Variants in SUZ12 observed in about 807,000 individuals in gnomAD.
SUZ12 encodes the protein SUZ12 polycomb repressive complex 2 subunit.
A neutral mutation model predicts 87.3 loss-of-function variants in SUZ12; 17 were observed. That is an observed-to-expected ratio of 0.19 (90% CI 0.13 to 0.29). The LOEUF (loss-of-function observed/expected upper bound fraction) is 0.29. Ranked by LOEUF, SUZ12 falls within the 10% of genes least tolerant of loss-of-function variation. SUZ12 has a pLI of 1.00. For synonymous variants in SUZ12, 253 were observed against 312.4 expected, an observed-to-expected ratio of 0.81 and a Z score of 2.01; for missense variants, 526 against 912.2, an observed-to-expected ratio of 0.58 and a Z score of 5.45.
chr17:31,980,429 C>CTTTTTTTTTTTT lies in SUZ12; in HGVS notation c.918-2544_918-2533dup, dbSNP rs58491591. ...TAAGATATACCAGAATCACCTTCTC[C>CTTTTTTTTTTTT]TTTTTTTTTTTTTTTTTTTTTTTTT... On this transcript the variant is annotated intron_variant, in intron 8 of 15. Coordinates refer to ENST00000322652, the MANE Select transcript of SUZ12 (RefSeq NM_015355.4). Among the ~76,000 whole-genome samples the CTTTTTTTTTTTT allele has an allele frequency of 4.8e-4, 26 of 53,834 alleles. 4 individuals are homozygous for CTTTTTTTTTTTT. The highest frequency in any genetic ancestry group is 1.4e-3 in the East Asian group (1 of 732). 35.3% of individuals were successfully genotyped at this position (53,834 alleles called of 152,430 possible). A position where few individuals can be genotyped will look rare whatever the true frequency, so the allele number is the denominator to read the frequency against.
intron 8 of SUZ12, among the ~76,000 whole-genome samples, chr17:31,982,289 C>T (rs1014348864): frequency 2.6e-5 from 4 of 152,230 alleles, no homozygotes; most frequent in African/African-American, 9.6e-5. Context: ...CAAACAATTA[C>T]AGTAGTTAAA....
At chr17:31,944,962 G>A (rs987907947) in intron 3 of SUZ12, among the ~76,000 whole-genome samples, 16 of 150,922 alleles carry the variant, frequency 1.1e-4, no homozygotes, top group African/African-American at 3.4e-4. Flanking sequence ...CAAATACTCA[G>A]GAGGCTGAGG....
intron 4 of SUZ12, among the ~76,000 whole-genome samples, chr17:31,952,846 T>C (rs1034294662): frequency 1.5e-4 from 23 of 152,038 alleles, no homozygotes; most frequent in Non-Finnish European, 2.6e-4. Flanking sequence ...TACAGGCGTG[T>C]GGCACCGTGC....
intron 4 of SUZ12, among the ~76,000 whole-genome samples, chr17:31,963,533 T>G (rs1357956365): frequency 6.6e-6 from 1 of 152,068 alleles, no homozygotes; most frequent in Non-Finnish European, 1.5e-5. Flanking sequence ...AGTCTCACTC[T>G]GTCGCCCATG....
intron 1 of SUZ12, among the ~76,000 whole-genome samples, chr17:31,939,313 C>CG (rs1906127360): frequency 6.6e-6 from 1 of 151,896 alleles, no homozygotes; most frequent in African/African-American, 2.4e-5. Flanking sequence ...ACCTGTAATC[C>CG]TAGCTACTCT....
intron 5 of SUZ12, 164 bp downstream of exon 5, chr17:31,966,360 T>C: frequency 3.0e-6 from 2 of 677,596 alleles, no homozygotes; most frequent in Non-Finnish European, 5.0e-6. Context: ...AATGATGAAA[T>C]TTGTTTTTGG....
At chr17:31,977,629 G>T (rs541719729) in intron 8 of SUZ12, among the ~76,000 whole-genome samples, 2 of 151,978 alleles carry the variant, frequency 1.3e-5, no homozygotes, top group African/African-American at 4.8e-5. Flanking sequence ...AGTGGCTCAC[G>T]CCTGTAATCC....
chr17:31,945,061 C>CAA (rs34314619), intron 3 of SUZ12, among the ~76,000 whole-genome samples: 37 of 79,242 alleles, frequency 4.7e-4, no homozygotes, highest in Non-Finnish European at 3.8e-4. Flanking sequence ...GATGGTGTCT[C>CAA]AAAAAAAAAA....
chr17:31,940,145 T>C (rs2142116971), intron 1 of SUZ12, 141 bp from the exon 2 acceptor site: 1 of 1,282,444 alleles, frequency 7.8e-7, no homozygotes, highest in South Asian at 1.6e-5. Context: ...ACTTTCTTGA[T>C]GTAAATATTT....
chr17:31,990,121 A>ATTTTTTTTTTTTTTT (rs59793925), intron 10 of SUZ12, among the ~76,000 whole-genome samples: 6 of 99,840 alleles, frequency 6.0e-5, no homozygotes, highest in African/African-American at 2.8e-4. Context: ...TGCCCGGCTA[A>ATTTTTTTTTTTTTTT]TTTTTTTTTT....
intron 1 of SUZ12, among the ~76,000 whole-genome samples, chr17:31,938,252 A>T (rs550748305): frequency 7.2e-5 from 11 of 152,368 alleles, no homozygotes; most frequent in Non-Finnish European, 1.5e-5. Flanking sequence ...AGAATTTATT[A>T]AAAACATCGT....
chr17:31,971,151 T>G (rs1477529485), intron 5 of SUZ12, among the ~76,000 whole-genome samples: 1 of 152,156 alleles, frequency 6.6e-6, no homozygotes, highest in Non-Finnish European at 1.5e-5. Context: ...GTAGAGAAAT[T>G]CTGGGGAAAG....
At chr17:31,973,777 C>T (rs1908576483) in intron 6 of SUZ12, among the ~76,000 whole-genome samples, 2 of 152,122 alleles carry the variant, frequency 1.3e-5, no homozygotes, top group South Asian at 4.1e-4. Flanking sequence ...TTAGTTGCCT[C>T]AAGTCCTCGA....
At chr17:31,985,800 T>C (rs4525554) in intron 9 of SUZ12, among the ~76,000 whole-genome samples, 16,231 of 151,970 alleles carry the variant, frequency 0.11, 1,062 homozygotes, top group Middle Eastern at 0.16. Context: ...GTAGCTGCGA[T>C]CACAGGTGTG....
chr17:31,970,782 A>G (rs1208303073), intron 5 of SUZ12, among the ~76,000 whole-genome samples: 1 of 151,828 alleles, frequency 6.6e-6, no homozygotes, highest in East Asian at 1.9e-4. Context: ...AGCCTGGGCA[A>G]CAGAGCAAGA....
intron 14 of SUZ12, 37 bp downstream of exon 14, chr17:31,995,799 ATAT>A (rs1249147346): frequency 6.7e-7 from 1 of 1,486,768 alleles, no homozygotes; most frequent in Non-Finnish European, 9.2e-7. Context: ...TTATCTTGGA[ATAT>A]TATTTTGTTT....
chr17:31,943,173 T>C (rs377766937), intron 3 of SUZ12, among the ~76,000 whole-genome samples: 77 of 152,348 alleles, frequency 5.1e-4, no homozygotes, highest in African/African-American at 1.7e-3. Context: ...AAGGAGGTGA[T>C]GAATTAGGTT....
intron 8 of SUZ12, among the ~76,000 whole-genome samples, chr17:31,979,699 C>T (rs935075838): frequency 4.6e-5 from 7 of 152,168 alleles, no homozygotes; most frequent in Admixed American, 6.5e-5. Flanking sequence ...TTTGATCACT[C>T]AGTTAAGATG....
At chr17:31,969,592 T>C (rs1213753232) in intron 5 of SUZ12, among the ~76,000 whole-genome samples, 2 of 152,188 alleles carry the variant, frequency 1.3e-5, no homozygotes, top group Non-Finnish European at 2.9e-5. Context: ...ACCACGCCTA[T>C]GTTGAAAATA....
Sources: allele counts gnomAD v4.1 joint callset (sites outside exome capture counted in the v4.1 genomes callset), GRCh38; gene constraint gnomAD v4.1.1; transcripts MANE v1.5; gene names NCBI Gene and HGNC (gene_info 2026-07-23, HGNC 2026-07-21).